Variants in SPATS2L observed in about 807,000 individuals in gnomAD.
The protein encoded by SPATS2L is SPATS2-like protein.
In SPATS2L, 30 loss-of-function variants were observed where a neutral mutation model predicts 59.6. That is an observed-to-expected ratio of 0.50 (90% CI 0.38 to 0.68). SPATS2L has a LOEUF of 0.68. Ranked by LOEUF, SPATS2L falls within the 30% of genes least tolerant of loss-of-function variation. SPATS2L has a pLI of 0.00. For missense variants in SPATS2L, 615 were observed against 700.0 expected (o/e 0.88, Z 1.37); for synonymous variants, 252 against 263.5 (o/e 0.96, Z 0.42).
intron 1 of SPATS2L, among the ~76,000 whole-genome samples, chr2:200,322,284 C>T (rs1011895610): frequency 2.0e-5 from 3 of 152,120 alleles, no homozygotes; most frequent in Non-Finnish European, 4.4e-5. Context: ...GTTGTACGGA[C>T]TAAGCCAGAA....
At position 200,446,442 on chromosome 2, in the gene SPATS2L, A is replaced by G. The variant is rs1056673991; in HGVS notation, c.788+5658A>G. Among the ~76,000 whole-genome samples, 14 of 152,154 alleles carry G rather than the reference A, an allele frequency of 9.2e-5. No homozygotes were observed. The South Asian group carries it at 1.0e-3, about 11-fold the overall frequency. On this transcript the variant is annotated intron_variant, in intron 8 of 12. Transcript: ENST00000409140. ...TCTAGGGCCACAGCAGTGGTTCTCA[A>G]TGGGACAATTTTGCCCCCAGGAGAC...
chr2:200,419,363 A>G lies in SPATS2L; in HGVS notation c.312A>G (p.Gln104=). The part of the protein sequence containing the change: ...GPLQPQPPQI[Q]NGPMNGCEKD... The stretch of plus-strand genomic sequence containing the variant: ...TGCAGCCGCAGCCACCACAGATTCA[A>G]AACGGCCCCATGAATGGCTGCGAGA... The change falls in exon 6 of 13, where the codon CAA becomes CAG. Residue 104 remains glutamine (Q), a synonymous_variant. Coordinates refer to ENST00000409140, the MANE Select transcript of SPATS2L (RefSeq NM_001100423.2). 2 of 1,612,504 alleles carry G rather than the reference A, an allele frequency of 1.2e-6. No individual in the cohort carries two copies. The highest frequency in any genetic ancestry group is 1.3e-5 in the African/African-American group (1 of 75,048).
At chr2:200,403,218 G>A (rs555777094) in intron 3 of SPATS2L, among the ~76,000 whole-genome samples, 1 of 152,288 alleles carries the variant, frequency 6.6e-6, no homozygotes, top group Non-Finnish European at 1.5e-5. Flanking sequence ...ACAGTCCTCT[G>A]CTCTAATCCA....
At chr2:200,437,892 A>T (rs1003778134) in intron 6 of SPATS2L, among the ~76,000 whole-genome samples, 11 of 151,848 alleles carry the variant, frequency 7.2e-5, no homozygotes, top group African/African-American at 1.5e-4. Flanking sequence ...ATTGTTTTTT[A>T]TTTTTTTCTA....
At position 200,306,777 on chromosome 2, in the gene SPATS2L, G is replaced by A; in HGVS notation, c.-218G>A. On this transcript the variant is annotated 5_prime_UTR_variant, in exon 1 of 13. Transcript: ENST00000409140. ...GCGCCGGCAGCGCGGGGCGAGCTCC[G>A]GACGGCGCGCGGCCCAGGCAGCGGC... 1.8e-5 allele frequency: 18 copies of A among 981,916 alleles called. No homozygotes were observed. Among genetic ancestry groups the A allele is most frequent in the Non-Finnish European group, 2.1e-5 (17 of 828,338 alleles). The allele number at this position is 981,916 out of a possible 1,614,324, so 60.8% of individuals were successfully genotyped here. A position where few individuals can be genotyped will look rare whatever the true frequency, so the allele number is the denominator to read the frequency against.
At chr2:200,377,244 G>T (rs295120) in intron 2 of SPATS2L, among the ~76,000 whole-genome samples, 32,664 of 152,176 alleles carry the variant, frequency 0.21, 6,578 homozygotes, top group African/African-American at 0.54. Context: ...CTAGTAAGAG[G>T]TAGAGCTGGG....
At chr2:200,368,139 C>A (rs296790) in intron 2 of SPATS2L, among the ~76,000 whole-genome samples, 1 of 151,804 alleles carries the variant, frequency 6.6e-6, no homozygotes, top group Non-Finnish European at 1.5e-5. Flanking sequence ...AGCAGGAATC[C>A]CGAACTTCTC....
intron 2 of SPATS2L, chr2:200,378,096 A>AG (rs2081662251): frequency 3.0e-6 from 1 of 337,086 alleles, no homozygotes; most frequent in Non-Finnish European, 4.3e-6. Flanking sequence ...TTTCACAAAA[A>AG]GGGAACAAGT....
At chr2:200,372,119 A>G in intron 2 of SPATS2L, 1 of 985,428 alleles carries the variant, frequency 1.0e-6, no homozygotes, top group African/African-American at 1.7e-5. Flanking sequence ...CTTTCAGACA[A>G]CACATGACTA....
intron 9 of SPATS2L, among the ~76,000 whole-genome samples, chr2:200,465,679 G>C (rs960235197): frequency 2.6e-5 from 4 of 152,198 alleles, no homozygotes; most frequent in Non-Finnish European, 4.4e-5. Flanking sequence ...AGATGATAAA[G>C]CTGTATGAGT....
At position 200,306,693 on chromosome 2, in the gene SPATS2L, A is replaced by G. The variant is rs2079022987; in HGVS notation, c.-302A>G. The G allele has an allele frequency of 4.1e-6, 4 of 984,664 alleles. No homozygotes were observed. Among genetic ancestry groups the G allele is most frequent in the Non-Finnish European group, 4.8e-6 (4 of 829,694 alleles). The allele number at this position is 984,664 out of a possible 1,614,324, so 61.0% of individuals were successfully genotyped here. A position where few individuals can be genotyped will look rare whatever the true frequency, so the allele number is the denominator to read the frequency against. ...TCCCTGCGTGGGGCGGCCGAGCCGG[A>G]GTTGTGTCAGTGAAGGAATCCAGTC... On this transcript the variant is annotated 5_prime_UTR_variant, in exon 1 of 13. Transcript: ENST00000409140.
intron 6 of SPATS2L, among the ~76,000 whole-genome samples, chr2:200,430,533 A>C (rs2083852101): frequency 6.6e-6 from 1 of 151,872 alleles, no homozygotes; most frequent in Admixed American, 6.6e-5. Context: ...ATTTTTTTTA[A>C]ATGATATTAA....
chr2:200,377,060 TCTTTTATAGCA>T (rs553220227), intron 2 of SPATS2L, among the ~76,000 whole-genome samples: 33 of 152,358 alleles, frequency 2.2e-4, no homozygotes, highest in South Asian at 4.1e-4. Context: ...CTATTTATAT[TCTTTTATAGCA>T]CTTTTATAGC....
At chr2:200,387,437 A>C (rs2082026248) in intron 2 of SPATS2L, among the ~76,000 whole-genome samples, 1 of 152,180 alleles carries the variant, frequency 6.6e-6, no homozygotes, top group Non-Finnish European at 1.5e-5. Flanking sequence ...TTATTTGGGA[A>C]CTTATAAAAA....
intron 3 of SPATS2L, among the ~76,000 whole-genome samples, chr2:200,401,722 G>A (rs924722136): frequency 6.6e-6 from 1 of 152,000 alleles, no homozygotes; most frequent in African/African-American, 2.4e-5. Context: ...TTTAAGGAAT[G>A]CCAAGTCCCA....
chr2:200,405,460 C>A (rs1239280595), intron 3 of SPATS2L, among the ~76,000 whole-genome samples: 1 of 151,528 alleles, frequency 6.6e-6, no homozygotes, highest in Admixed American at 6.6e-5. Context: ...CATGACAGCA[C>A]CTCATGCATA....
chr2:200,344,051 A>ATTTT (rs1228409621), intron 2 of SPATS2L, among the ~76,000 whole-genome samples: 3 of 151,766 alleles, frequency 2.0e-5, no homozygotes, highest in African/African-American at 7.2e-5. Context: ...TTTTTTTAAA[A>ATTTT]AAAATTTATT....
intron 1 of SPATS2L, among the ~76,000 whole-genome samples, chr2:200,319,117 T>C (rs1178411455): frequency 1.3e-5 from 2 of 152,224 alleles, no homozygotes; most frequent in African/African-American, 4.8e-5. Context: ...GCACCTTCTG[T>C]GTGGTCGCTC....
chr2:200,377,179 A>G (rs2081629408), intron 2 of SPATS2L, among the ~76,000 whole-genome samples: 1 of 152,096 alleles, frequency 6.6e-6, no homozygotes, highest in Non-Finnish European at 1.5e-5. Context: ...TATTATCCCT[A>G]TTTTACTGAT....
Sources: allele counts gnomAD v4.1 joint callset (sites outside exome capture counted in the v4.1 genomes callset), GRCh38; gene constraint gnomAD v4.1.1; transcripts MANE v1.5; gene names NCBI Gene and HGNC (gene_info 2026-07-23, HGNC 2026-07-21).